UBAC2: variants seen among roughly 807,000 people sequenced by gnomAD.
UBAC2 encodes the protein ubiquitin-associated domain-containing protein 2.
A neutral mutation model predicts 44.0 loss-of-function variants in UBAC2; 26 were observed. That is an observed-to-expected ratio of 0.59 (90% CI 0.43 to 0.82). The LOEUF is 0.82. UBAC2 is among the 40% of genes least tolerant of loss of function. The pLI, the probability that UBAC2 is intolerant of heterozygous loss-of-function variation, is 0.00. For synonymous variants in UBAC2, 155 were observed against 154.3 expected (o/e 1.00, Z -0.04); for missense variants, 329 against 419.4 (o/e 0.78, Z 1.88).
chr13:99,281,421 A>T lies in UBAC2; in HGVS notation c.390-32676A>T, dbSNP rs140309574. 3.3e-5 allele frequency among the ~76,000 whole-genome samples: 5 copies of T among 152,214 alleles called. No individual in the cohort carries two copies. In the East Asian group the frequency reaches 7.7e-4, roughly 24 times the overall value. On this transcript the variant is annotated intron_variant, in intron 4 of 8. Coordinates refer to ENST00000403766, the MANE Select transcript of UBAC2 (RefSeq NM_001144072.2). ...AGTTCTCACACTTTGGGCTCAGTTC[A>T]GTATTTGGGTGTTGGATACCATGTG... is the stretch of plus-strand genomic sequence containing the variant.
intron 1 of UBAC2, among the ~76,000 whole-genome samples, chr13:99,229,219 G>C (rs1250333305): frequency 6.6e-6 from 1 of 152,196 alleles, no homozygotes; most frequent in Non-Finnish European, 1.5e-5. Flanking sequence ...GGTGCAGAGT[G>C]GGGGAAAAGC....
At chr13:99,333,433 T>G (rs1347306041) in intron 6 of UBAC2, among the ~76,000 whole-genome samples, 2 of 152,272 alleles carry the variant, frequency 1.3e-5, no homozygotes, top group African/African-American at 4.8e-5. Context: ...CTTTCCAATT[T>G]CCTTTAAAAG....
intron 4 of UBAC2, among the ~76,000 whole-genome samples, chr13:99,281,656 A>G (rs954134318): frequency 3.3e-5 from 5 of 152,262 alleles, no homozygotes; most frequent in African/African-American, 9.6e-5. Flanking sequence ...TAGAAGATAC[A>G]TAACAAGAGG....
chr13:99,283,196 G>A (rs573409428), intron 4 of UBAC2, among the ~76,000 whole-genome samples: 159 of 152,280 alleles, frequency 1.0e-3, no homozygotes, highest in African/African-American at 3.7e-3. Context: ...TGGCTTCTAG[G>A]ATGTAGGATT....
At chr13:99,254,738 A>G (rs371765611) in intron 4 of UBAC2, 77 of 665,416 alleles carry the variant, frequency 1.2e-4, no homozygotes, top group Non-Finnish European at 1.6e-4. Flanking sequence ...AATGTTTTAT[A>G]TAAGTTTTTA....
chr13:99,368,688 A>AGAGT lies in UBAC2; in HGVS notation c.927+783_927+784insAGTG, dbSNP rs765104174. On this transcript the variant is annotated intron_variant, in intron 8 of 8. Coordinates refer to ENST00000403766, the MANE Select transcript of UBAC2 (RefSeq NM_001144072.2). ...CACTATCATCGTAAACTCATGAGAG[A>AGAGT]GTGTGTGTGTGTGTGTGTGTGTGTG... Among the ~76,000 whole-genome samples the AGAGT allele has an allele frequency of 1.5e-3, 224 of 146,698 alleles. 1 individual carries two copies. The highest frequency in any genetic ancestry group is 3.5e-3 in the African/African-American group (139 of 39,438).
chr13:99,319,417 A>G (rs573806987), intron 6 of UBAC2, among the ~76,000 whole-genome samples: 3 of 152,286 alleles, frequency 2.0e-5, no homozygotes, highest in East Asian at 1.9e-4. Flanking sequence ...AATTATCACT[A>G]TCCTTGTTTC....
chr13:99,385,494 C>T lies in UBAC2; in HGVS notation c.*159C>T, dbSNP rs2045608622. The T allele has an allele frequency of 1.0e-5, 6 of 579,646 alleles. No homozygotes were observed. Among genetic ancestry groups the T allele is most frequent in the African/African-American group, 5.6e-5 (3 of 53,888 alleles). The allele number at this position is 579,646 out of a possible 1,614,324, so 35.9% of individuals were successfully genotyped here. On this transcript the variant is annotated 3_prime_UTR_variant, in exon 9 of 9. Coordinates refer to ENST00000403766, the MANE Select transcript of UBAC2 (RefSeq NM_001144072.2). ...CTGCCCTCAACCGCAAGACTGTTGCCGTTTTAGTGTGGAGATAAGTTTGCC... is the reference window on the plus strand; with the variant it reads ...CTGCCCTCAACCGCAAGACTGTTGCTGTTTTAGTGTGGAGATAAGTTTGCC...
intron 4 of UBAC2, among the ~76,000 whole-genome samples, chr13:99,253,756 C>T (rs1418260758): frequency 2.6e-5 from 4 of 152,088 alleles, no homozygotes; most frequent in Admixed American, 6.5e-5. Flanking sequence ...TCAAGTGATC[C>T]GTCCACCTCA....
At chr13:99,331,344 A>G (rs533647524) in intron 6 of UBAC2, among the ~76,000 whole-genome samples, 110 of 152,352 alleles carry the variant, frequency 7.2e-4, no homozygotes, top group African/African-American at 2.5e-3. Context: ...GAAGTTTTCT[A>G]CTTAGCATAG....
chr13:99,221,910 C>G (rs2043055800), intron 1 of UBAC2, among the ~76,000 whole-genome samples: 1 of 152,148 alleles, frequency 6.6e-6, no homozygotes, highest in Non-Finnish European at 1.5e-5. Flanking sequence ...ACCTTTTACT[C>G]TTAGAGGAAC....
At chr13:99,338,031 C>CTTTTTTTTTTTTTTTTTTTTTTTTTT (rs1053874226) in intron 6 of UBAC2, among the ~76,000 whole-genome samples, 1 of 41,768 alleles carries the variant, frequency 2.4e-5, no homozygotes, top group African/African-American at 7.6e-5. Context: ...AATCTCCTAA[C>CTTTTTTTTTTTTTTTTTTTTTTTTTT]TTTTTTTCTT....
chr13:99,265,428 T>G (rs933575688), intron 4 of UBAC2, among the ~76,000 whole-genome samples: 12 of 152,226 alleles, frequency 7.9e-5, no homozygotes, highest in African/African-American at 2.9e-4. Context: ...GGCTTACATC[T>G]TTCTGCCTCT....
intron 4 of UBAC2, among the ~76,000 whole-genome samples, chr13:99,304,919 T>A (rs372454825): frequency 6.6e-6 from 1 of 152,184 alleles, no homozygotes; most frequent in East Asian, 1.9e-4. Context: ...TAACGTACAC[T>A]AACTCATACC....
chr13:99,244,014 A>T, intron 3 of UBAC2, 63 bp downstream of exon 3: 1 of 1,321,296 alleles, frequency 7.6e-7, no homozygotes, highest in Non-Finnish European at 1.0e-6. Context: ...GTTTAAATGG[A>T]TTTTATTTTG....
chr13:99,321,259 T>C (rs1025916169), intron 6 of UBAC2, among the ~76,000 whole-genome samples: 2 of 152,206 alleles, frequency 1.3e-5, no homozygotes, highest in African/African-American at 4.8e-5. Flanking sequence ...CTGCCAACTT[T>C]GGATTGAGCT....
At chr13:99,370,543 A>T (rs2045391483) in intron 8 of UBAC2, among the ~76,000 whole-genome samples, 2 of 152,202 alleles carry the variant, frequency 1.3e-5, no homozygotes, top group South Asian at 4.1e-4. Context: ...ACAGCTGACC[A>T]CACCATCCAC....
intron 2 of UBAC2, among the ~76,000 whole-genome samples, chr13:99,242,372 CAGA>C (rs2043315584): frequency 6.8e-6 from 1 of 147,630 alleles, no homozygotes; most frequent in Admixed American, 6.7e-5. Flanking sequence ...GCTGTCCGGG[CAGA>C]GGGGCTCCTC....
Position 99,385,412 on chromosome 13 carries a change from G to A in UBAC2, c.*77G>A. On this transcript the variant is annotated 3_prime_UTR_variant, in exon 9 of 9. Coordinates refer to ENST00000403766, the MANE Select transcript of UBAC2 (RefSeq NM_001144072.2). ...GTCCCCACCATCAGATCAGCCCGGGGACCGAGCATCTCTGGTGCTGATGTT... is the reference window on the plus strand; with the variant it reads ...GTCCCCACCATCAGATCAGCCCGGGAACCGAGCATCTCTGGTGCTGATGTT... The A allele has an allele frequency of 8.3e-7, 1 of 1,204,604 alleles. No homozygotes were observed. Among genetic ancestry groups the A allele is most frequent in the East Asian group, 2.4e-5 (1 of 42,148 alleles). The allele number at this position is 1,204,604 out of a possible 1,614,324, so 74.6% of individuals were successfully genotyped here. A position where few individuals can be genotyped will look rare whatever the true frequency, so the allele number is the denominator to read the frequency against.
Sources: gnomAD v4.1 joint callset for allele counts (sites outside exome capture counted in the v4.1 genomes callset) on GRCh38, gnomAD v4.1.1 for gene constraint, MANE v1.5 for transcripts, NCBI Gene and HGNC (gene_info 2026-07-23, HGNC 2026-07-21) for gene names.